Variants in PTPRT observed in about 807,000 individuals in gnomAD.
The protein encoded by PTPRT is protein tyrosine phosphatase receptor type T.
PTPRT carries 56 observed loss-of-function variants against 176.8 expected under a neutral mutation model. The ratio of observed to expected loss-of-function variants is 0.32; its 90% CI spans 0.26 to 0.40. PTPRT has a LOEUF of 0.40. Among genes scored for constraint, PTPRT ranks in the 10% least tolerant of loss-of-function variants. The pLI is 1.00. For missense variants in PTPRT, 1,540 were observed against 1,908.2 expected (o/e 0.81, Z 3.60); for synonymous variants, 783 against 739.0 (o/e 1.06, Z -0.96).
chr20:43,028,893 G>A (rs977220788), intron 1 of PTPRT, among the ~76,000 whole-genome samples: 1 of 152,210 alleles, frequency 6.6e-6, no homozygotes, highest in Non-Finnish European at 1.5e-5. Flanking sequence ...GATGGAATGG[G>A]ACAGTCTACA....
intron 1 of PTPRT, among the ~76,000 whole-genome samples, chr20:43,133,466 C>T (rs1373969931): frequency 6.6e-6 from 1 of 152,156 alleles, no homozygotes; most frequent in Non-Finnish European, 1.5e-5. Context: ...AGAGTGCTGG[C>T]CGGGCACGGT....
At chr20:42,177,886 T>C (rs939007636) in intron 16 of PTPRT, among the ~76,000 whole-genome samples, 1 of 151,736 alleles carries the variant, frequency 6.6e-6, no homozygotes, top group African/African-American at 2.4e-5. Context: ...CTCTCTCTTT[T>C]TTCTTTCTTT....
chr20:42,100,310 T>A lies in PTPRT; in HGVS notation c.3715-1758A>T, dbSNP rs574709103. ...ATCAGCCGGCAATCCATTTCATGGA[T>A]AACATCATCCTTTACCAGGGGAAAC... On this transcript the variant is annotated intron_variant, in intron 26 of 30. Coordinates refer to ENST00000373187, the MANE Select transcript of PTPRT (RefSeq NM_007050.6). 8.9e-4 allele frequency among the ~76,000 whole-genome samples: 136 copies of A among 152,348 alleles called. 1 individual carries two copies. The highest frequency in any genetic ancestry group is 3.4e-3 in the Middle Eastern group (1 of 294).
chr20:42,355,473 G>A (rs2058346377), intron 9 of PTPRT, among the ~76,000 whole-genome samples: 3 of 152,178 alleles, frequency 2.0e-5, no homozygotes, highest in Non-Finnish European at 4.4e-5. Context: ...ACTGACATCC[G>A]AAGGACAATC....
chr20:42,354,630 C>T lies in PTPRT; in HGVS notation c.1561-2345G>A, dbSNP rs76803915. On this transcript the variant is annotated intron_variant, in intron 9 of 30. Coordinates refer to ENST00000373187, the MANE Select transcript of PTPRT (RefSeq NM_007050.6). ...GTGCCCAACTGAATTCAAGTCAGGC[C>T]TCATCCTCAAGTGACTTCCATTCTT... is the stretch of plus-strand genomic sequence containing the variant. Among the ~76,000 whole-genome samples, 344 of 152,298 alleles carry T rather than the reference C, an allele frequency of 2.3e-3. 8 individuals are homozygous for T. The East Asian group carries it at 0.06, about 27-fold the overall frequency.
At chr20:42,033,881 T>C in the PTPRT span, among the ~76,000 whole-genome samples, 2 of 152,218 alleles carry the variant, frequency 1.3e-5, no homozygotes, top group Admixed American at 6.5e-5. Flanking sequence ...CTTACCTTTC[T>C]CTGTTGCTGA....
At chr20:42,376,649 G>C (rs950507262) in intron 9 of PTPRT, among the ~76,000 whole-genome samples, 1 of 152,140 alleles carries the variant, frequency 6.6e-6, no homozygotes, top group Non-Finnish European at 1.5e-5. Context: ...TCAGACTTGG[G>C]TGTTGGGCGG....
At chr20:42,265,833 A>G (rs2056830472) in intron 13 of PTPRT, among the ~76,000 whole-genome samples, 1 of 152,048 alleles carries the variant, frequency 6.6e-6, no homozygotes, top group Admixed American at 6.6e-5. Flanking sequence ...GCTTTCTCCC[A>G]AAGGCTCAAA....
At chr20:42,736,136 T>C (rs1307652111) in intron 6 of PTPRT, among the ~76,000 whole-genome samples, 1 of 152,158 alleles carries the variant, frequency 6.6e-6, no homozygotes, top group East Asian at 1.9e-4. Context: ...CTAGCAGAGG[T>C]TCCTGCTGTT....
At chr20:42,627,833 C>T (rs2145878159) in intron 7 of PTPRT, among the ~76,000 whole-genome samples, 1 of 152,146 alleles carries the variant, frequency 6.6e-6, no homozygotes, top group African/African-American at 2.4e-5. Flanking sequence ...AATTTTACAG[C>T]CAGATGCTCC....
At chr20:42,624,005 C>CAAAAAAAAAAAAAACA (rs1159094345) in intron 7 of PTPRT, among the ~76,000 whole-genome samples, 12 of 135,684 alleles carry the variant, frequency 8.8e-5, no homozygotes, top group African/African-American at 2.6e-4. Flanking sequence ...AAAACAATAG[C>CAAAAAAAAAAAAAACA]AACAAACAAA....
chr20:43,088,333 GGTGTGTGTGTGTGTGTGTGT>G (rs67837016), intron 1 of PTPRT, among the ~76,000 whole-genome samples: 9 of 142,756 alleles, frequency 6.3e-5, no homozygotes, highest in Admixed American at 1.4e-4. Context: ...TTTGCTTTGG[GGTGTGTGTGTGTGTGTGTGT>G]GTGTGTGTGT....
intron 1 of PTPRT, among the ~76,000 whole-genome samples, chr20:42,940,270 G>C (rs1480304897): frequency 6.6e-6 from 1 of 152,118 alleles, no homozygotes; most frequent in Non-Finnish European, 1.5e-5. Context: ...TACTTTACTG[G>C]CTCTGGACCT....
At chr20:42,678,260 A>G (rs540951788) in intron 6 of PTPRT, 101 bp from the exon 7 acceptor site, 11 of 1,091,962 alleles carry the variant, frequency 1.0e-5, no homozygotes, top group African/African-American at 6.9e-5. Flanking sequence ...ATGTAGCCAC[A>G]AAAAAAATAG....
At chr20:42,832,722 A>G (rs1475970410) in intron 2 of PTPRT, among the ~76,000 whole-genome samples, 1 of 150,264 alleles carries the variant, frequency 6.7e-6, no homozygotes, top group Non-Finnish European at 1.5e-5. Flanking sequence ...AAGAAGAAGA[A>G]GAAGGAAAAG....
intron 7 of PTPRT, among the ~76,000 whole-genome samples, chr20:42,498,051 C>T (rs1348334207): frequency 6.6e-6 from 1 of 152,052 alleles, no homozygotes; most frequent in South Asian, 2.1e-4. Context: ...ACTAGTGGTA[C>T]TTTGTATGGG....
At chr20:42,068,667 C>A (rs997219958), downstream of PTPRT, among the ~76,000 whole-genome samples, 2 of 152,202 alleles carry the variant, frequency 1.3e-5, no homozygotes, top group African/African-American at 4.8e-5. Context: ...GGCAGCAAAA[C>A]ATGATTCAGC....
At chr20:43,096,468 C>T (rs1224766741) in intron 1 of PTPRT, among the ~76,000 whole-genome samples, 2 of 152,174 alleles carry the variant, frequency 1.3e-5, no homozygotes, top group Non-Finnish European at 2.9e-5. Flanking sequence ...CAAGTAAGGC[C>T]TAATCCTCAT....
intron 1 of PTPRT, among the ~76,000 whole-genome samples, chr20:43,157,701 T>C (rs950250619): frequency 1.3e-5 from 2 of 152,180 alleles, no homozygotes; most frequent in African/African-American, 4.8e-5. Flanking sequence ...GCAAGTTATA[T>C]ATCGGTCATC....
Sources: allele counts gnomAD v4.1 joint callset (sites outside exome capture counted in the v4.1 genomes callset), GRCh38; gene constraint gnomAD v4.1.1; transcripts MANE v1.5; gene names NCBI Gene and HGNC (gene_info 2026-07-23, HGNC 2026-07-21).